Variants in ADGRL3 observed in about 807,000 individuals in gnomAD.
ADGRL3 encodes adhesion G protein-coupled receptor L3.
In ADGRL3, 62 loss-of-function variants were observed where a neutral mutation model predicts 153.5. That is an observed-to-expected ratio of 0.40 (90% CI 0.33 to 0.50). The LOEUF (loss-of-function observed/expected upper bound fraction) is 0.50. Ranked by LOEUF, ADGRL3 falls within the 20% of genes least tolerant of loss-of-function variation. The probability of loss-of-function intolerance (pLI) is 0.47; values close to 1 mark genes in which losing one functional copy is unlikely to be tolerated. For missense variants in ADGRL3, 1,641 were observed against 1,859.4 expected (o/e 0.88, Z 2.16); for synonymous variants, 710 against 672.5 (o/e 1.06, Z -0.86).
chr4:61,216,887 C>G (rs1743046003), intron 1 of ADGRL3, among the ~76,000 whole-genome samples: 1 of 152,160 alleles, frequency 6.6e-6, no homozygotes, highest in African/African-American at 2.4e-5. Flanking sequence ...AAACTTATTG[C>G]ACACTGTCTA....
intron 8 of ADGRL3, among the ~76,000 whole-genome samples, chr4:61,784,008 T>G (rs186024495): frequency 3.2e-4 from 49 of 152,208 alleles, no homozygotes; most frequent in Non-Finnish European, 1.5e-5. Flanking sequence ...TCCTCACAAG[T>G]AGCTTGAATT....
intron 21 of ADGRL3, among the ~76,000 whole-genome samples, chr4:62,005,967 TACACACACACACACACACAC>T (rs59783179): frequency 1.5e-5 from 1 of 67,710 alleles, no homozygotes; most frequent in African/African-American, 5.9e-5. Flanking sequence ...TATATACACA[TACACACACACACACACACAC>T]ACACACACAC....
chr4:61,469,206 G>C (rs2097917281), intron 2 of ADGRL3, among the ~76,000 whole-genome samples: 1 of 152,000 alleles, frequency 6.6e-6, no homozygotes, highest in South Asian at 2.1e-4. Flanking sequence ...GGTGTGGATT[G>C]CTCTTTTGCC....
At chr4:61,847,847 A>T (rs868852366) in intron 9 of ADGRL3, among the ~76,000 whole-genome samples, 25 of 12,680 alleles carry the variant, frequency 2.0e-3, no homozygotes, top group African/African-American at 5.2e-3. Context: ...ATATAATATA[A>T]AATATATTAT....
intron 9 of ADGRL3, among the ~76,000 whole-genome samples, chr4:61,821,090 C>T (rs1344208946): frequency 6.7e-6 from 1 of 149,460 alleles, no homozygotes; most frequent in African/African-American, 2.5e-5. Context: ...TTTTCCTGTA[C>T]AGTTTGGTGA....
intron 15 of ADGRL3, among the ~76,000 whole-genome samples, chr4:61,936,366 G>A (rs1581537539): frequency 6.6e-6 from 1 of 152,090 alleles, no homozygotes; most frequent in Non-Finnish European, 1.5e-5. Context: ...CTCTCACTGA[G>A]TTTGCAGATT....
At chr4:61,807,252 A>AT (rs2097561946) in intron 8 of ADGRL3, among the ~76,000 whole-genome samples, 1 of 151,516 alleles carries the variant, frequency 6.6e-6, no homozygotes, top group Admixed American at 6.6e-5. Flanking sequence ...GGTCATTCAC[A>AT]TTTTTTCTCT....
At chr4:61,648,904 C>T (rs77337808) in intron 5 of ADGRL3, among the ~76,000 whole-genome samples, 3,717 of 152,100 alleles carry the variant, frequency 0.024, 65 homozygotes, top group Non-Finnish European at 0.036. Context: ...TTGTTAGGGA[C>T]ATGATAAGAA....
At chr4:61,774,208 T>A (rs1432542342) in intron 8 of ADGRL3, among the ~76,000 whole-genome samples, 1 of 151,496 alleles carries the variant, frequency 6.6e-6, no homozygotes, top group African/African-American at 2.4e-5. Context: ...TACAAAAAAA[T>A]TAGCAGGGCA....
intron 9 of ADGRL3, among the ~76,000 whole-genome samples, chr4:61,820,985 G>A (rs899531873): frequency 4.6e-5 from 7 of 152,288 alleles, no homozygotes; most frequent in African/African-American, 1.7e-4. Context: ...ATCCTAAGCA[G>A]AGGCATATAT....
intron 21 of ADGRL3, among the ~76,000 whole-genome samples, chr4:62,010,260 C>G (rs545455556): frequency 2.6e-5 from 4 of 152,040 alleles, no homozygotes; most frequent in African/African-American, 9.7e-5. Flanking sequence ...CTTCTGCGAA[C>G]GAGGCCCCAT....
At chr4:61,747,160 A>G (rs1277675442) in intron 8 of ADGRL3, among the ~76,000 whole-genome samples, 1 of 152,100 alleles carries the variant, frequency 6.6e-6, no homozygotes, top group Admixed American at 6.5e-5. Flanking sequence ...TAAACCAGGA[A>G]GAAGTTGAAT....
chr4:61,664,404 G>A (rs914171056), intron 5 of ADGRL3, among the ~76,000 whole-genome samples: 14 of 151,594 alleles, frequency 9.2e-5, no homozygotes, highest in Admixed American at 9.2e-4. Flanking sequence ...ATAAAAAAAG[G>A]AGAAAAAGTA....
chr4:61,458,673 T>G (rs2097778929), intron 2 of ADGRL3, among the ~76,000 whole-genome samples: 2 of 151,620 alleles, frequency 1.3e-5, no homozygotes, highest in African/African-American at 4.8e-5. Context: ...TAAATTTACC[T>G]TATCAAATTA....
intron 8 of ADGRL3, among the ~76,000 whole-genome samples, chr4:61,799,027 A>ATG (rs1408457374): frequency 3.9e-5 from 5 of 128,224 alleles, no homozygotes; most frequent in Admixed American, 7.9e-5. Context: ...ATATATATAT[A>ATG]TATATATATA....
chr4:61,679,493 C>T (rs2095287245), intron 6 of ADGRL3, among the ~76,000 whole-genome samples: 1 of 152,062 alleles, frequency 6.6e-6, no homozygotes, highest in African/African-American at 2.4e-5. Context: ...TATAACAACA[C>T]TCAGCTATTT....
At chr4:62,063,795 T>C (rs976312763) in intron 25 of ADGRL3, among the ~76,000 whole-genome samples, 1 of 152,100 alleles carries the variant, frequency 6.6e-6, no homozygotes, top group Non-Finnish European at 1.5e-5. Context: ...TTTTCCACTT[T>C]CCTTAGGTTT....
intron 11 of ADGRL3, among the ~76,000 whole-genome samples, chr4:61,908,663 A>T (rs2098707908): frequency 6.6e-6 from 1 of 151,714 alleles, no homozygotes; most frequent in Non-Finnish European, 1.5e-5. Flanking sequence ...TGAAATAGAG[A>T]TGTTCATTAT....
intron 3 of ADGRL3, among the ~76,000 whole-genome samples, chr4:61,506,166 A>C (rs892775830): frequency 6.6e-6 from 1 of 152,088 alleles, no homozygotes; most frequent in Non-Finnish European, 1.5e-5. Flanking sequence ...TTAAATGAGT[A>C]ATTAGGCCTA....
Sources: allele counts gnomAD v4.1 joint callset (sites outside exome capture counted in the v4.1 genomes callset), GRCh38; gene constraint gnomAD v4.1.1; transcripts MANE v1.5; gene names NCBI Gene and HGNC (gene_info 2026-07-23, HGNC 2026-07-21).